NLGN1: variants seen among roughly 807,000 people sequenced by gnomAD.
The protein encoded by NLGN1 is neuroligin 1, also known as neuroligin-1.
NLGN1 carries 12 observed loss-of-function variants against 65.5 expected under a neutral mutation model. That is an observed-to-expected ratio of 0.18 (90% CI 0.12 to 0.30). The LOEUF (loss-of-function observed/expected upper bound fraction) is 0.30, where lower values mean the gene tolerates loss of function less well. NLGN1 is among the 10% of genes least tolerant of loss of function. The probability of loss-of-function intolerance (pLI) is 1.00; values close to 1 mark genes in which losing one functional copy is unlikely to be tolerated. For synonymous variants in NLGN1, 350 were observed against 359.5 expected, an observed-to-expected ratio of 0.97 and a Z score of 0.30; for missense variants, 750 against 1,007.1, an observed-to-expected ratio of 0.74 and a Z score of 3.46.
chr3:173,564,464 G>T (rs1743308700), intron 2 of NLGN1, among the ~76,000 whole-genome samples: 1 of 152,154 alleles, frequency 6.6e-6, no homozygotes, highest in Non-Finnish European at 1.5e-5. Flanking sequence ...TCTCTTCATG[G>T]ATTACACTGC....
chr3:173,551,280 A>G (rs1174140023), intron 2 of NLGN1, among the ~76,000 whole-genome samples: 1 of 152,186 alleles, frequency 6.6e-6, no homozygotes, highest in Non-Finnish European at 1.5e-5. Context: ...AGGTCATCAT[A>G]TTTTAGAAAA....
intron 4 of NLGN1, among the ~76,000 whole-genome samples, chr3:174,062,231 G>A (rs1737575438): frequency 6.6e-6 from 1 of 152,012 alleles, no homozygotes; most frequent in Admixed American, 6.6e-5. Flanking sequence ...TTGAAGCTTG[G>A]GAGTGAGGGA....
intron 4 of NLGN1, among the ~76,000 whole-genome samples, chr3:174,046,221 A>G (rs955386028): frequency 6.6e-6 from 1 of 152,162 alleles, no homozygotes; most frequent in Non-Finnish European, 1.5e-5. Context: ...GCTTTCATAT[A>G]CAAAAAATGA....
intron 2 of NLGN1, among the ~76,000 whole-genome samples, chr3:173,532,559 C>A (rs1244051960): frequency 6.6e-6 from 1 of 152,114 alleles, no homozygotes; most frequent in Non-Finnish European, 1.5e-5. Flanking sequence ...AAGAAATCTT[C>A]ATGATTAAGG....
intron 2 of NLGN1, among the ~76,000 whole-genome samples, chr3:173,438,548 A>G (rs1329961588): frequency 6.6e-6 from 1 of 152,134 alleles, no homozygotes; most frequent in African/African-American, 2.4e-5. Flanking sequence ...TAAAAATAAT[A>G]TGATTCTAAT....
At chr3:173,725,316 T>C (rs1771587682) in intron 3 of NLGN1, among the ~76,000 whole-genome samples, 1 of 152,210 alleles carries the variant, frequency 6.6e-6, no homozygotes. Flanking sequence ...GTCTCATCTT[T>C]TCTCTGTTCA....
At chr3:174,201,613 A>G (rs182710573) in intron 4 of NLGN1, among the ~76,000 whole-genome samples, 29 of 112,270 alleles carry the variant, frequency 2.6e-4, no homozygotes, top group Admixed American at 4.6e-4. Flanking sequence ...ATGAAGTCCA[A>G]TGAGAAGCAA....
chr3:174,151,399 T>A (rs1382101481), intron 4 of NLGN1, among the ~76,000 whole-genome samples: 1 of 152,152 alleles, frequency 6.6e-6, no homozygotes, highest in African/African-American at 2.4e-5. Flanking sequence ...GTATTTGAAA[T>A]AGTTGCTGTA....
At chr3:173,440,322 T>G (rs1259540379) in intron 2 of NLGN1, among the ~76,000 whole-genome samples, 1 of 152,124 alleles carries the variant, frequency 6.6e-6, no homozygotes, top group East Asian at 1.9e-4. Context: ...TGAACTTATT[T>G]TTGCTAATGT....
Position 174,278,956 on chromosome 3 carries a change from A to G in NLGN1, c.955A>G (p.Lys319Glu), listed in dbSNP as rs376033142. ...AAAATATGCTAGAATGTTGGCCACA[A>G]AAGTTGGTTGCAATGTTTCAGATAC... The change falls in exon 6 of 7, where the codon AAA becomes GAA. Residue 319 changes from lysine (K) to glutamate (E), a missense_variant. Lys to Glu is a moderately conservative substitution (Grantham distance 56). Transcript: ENST00000457714. The G allele has an allele frequency of 3.2e-6, 5 of 1,544,804 alleles. No individual in the cohort carries two copies. The African/African-American group carries it at 5.5e-5, about 17-fold the overall frequency.
At chr3:173,499,702 C>T (rs1165784218) in intron 2 of NLGN1, among the ~76,000 whole-genome samples, 2 of 151,886 alleles carry the variant, frequency 1.3e-5, no homozygotes, top group Non-Finnish European at 2.9e-5. Context: ...GGATGTTCTT[C>T]CATTTGTTTG....
At chr3:173,834,639 T>C (rs1291364446) in intron 4 of NLGN1, among the ~76,000 whole-genome samples, 1 of 152,154 alleles carries the variant, frequency 6.6e-6, no homozygotes, top group Non-Finnish European at 1.5e-5. Context: ...TGCTACAAGC[T>C]TTACACATAC....
chr3:173,418,752 G>T (rs62290046), intron 1 of NLGN1, among the ~76,000 whole-genome samples: 3,409 of 152,188 alleles, frequency 0.022, 51 homozygotes, highest in Non-Finnish European at 0.033. Context: ...ATTCTGAGAA[G>T]CCAAATTATG....
At chr3:173,677,458 T>A (rs2149767584) in intron 3 of NLGN1, among the ~76,000 whole-genome samples, 1 of 152,202 alleles carries the variant, frequency 6.6e-6, no homozygotes, top group African/African-American at 2.4e-5. Flanking sequence ...AATAAATTTG[T>A]CATTTAAAAC....
intron 3 of NLGN1, among the ~76,000 whole-genome samples, chr3:173,659,085 A>G (rs1165556833): frequency 6.6e-6 from 1 of 151,996 alleles, no homozygotes; most frequent in African/African-American, 2.4e-5. Flanking sequence ...TGAGTCCCCT[A>G]ACTTCTATTG....
At chr3:173,708,375 G>A (rs140951956) in intron 3 of NLGN1, among the ~76,000 whole-genome samples, 1 of 152,044 alleles carries the variant, frequency 6.6e-6, no homozygotes, top group South Asian at 2.1e-4. Flanking sequence ...GCTGCACCAC[G>A]GGGAATCCTG....
At chr3:173,611,259 C>T (rs887895653) in intron 3 of NLGN1, among the ~76,000 whole-genome samples, 4 of 151,988 alleles carry the variant, frequency 2.6e-5, no homozygotes, top group Non-Finnish European at 5.9e-5. Context: ...TCGCAACAGC[C>T]TCGTGAGGTT....
chr3:173,416,756 AT>A (rs761857925), intron 1 of NLGN1, among the ~76,000 whole-genome samples: 1 of 152,152 alleles, frequency 6.6e-6, no homozygotes, highest in Non-Finnish European at 1.5e-5. Context: ...ATTCTTTAGA[AT>A]TTGATATGAT....
intron 4 of NLGN1, among the ~76,000 whole-genome samples, chr3:174,205,470 T>G (rs2152781372): frequency 6.6e-6 from 1 of 152,294 alleles, no homozygotes; most frequent in Middle Eastern, 3.4e-3. Context: ...TAATTATTGT[T>G]ATTGCAGAAA....
Sources: gnomAD v4.1 joint callset for allele counts (sites outside exome capture counted in the v4.1 genomes callset) on GRCh38, gnomAD v4.1.1 for gene constraint, MANE v1.5 for transcripts, NCBI Gene and HGNC (gene_info 2026-07-23, HGNC 2026-07-21) for gene names.